The following NDUFAF6 variants were observed in gnomAD, a reference collection of about 807,000 sequenced individuals.
NDUFAF6 encodes the protein NADH:ubiquinone oxidoreductase complex assembly factor 6.
Under a neutral mutation model 40.8 loss-of-function variants are expected in NDUFAF6, and 45 were observed. That is an observed-to-expected ratio of 1.10 (90% CI 0.87 to 1.42). The LOEUF (loss-of-function observed/expected upper bound fraction) is 1.42. NDUFAF6 is among the 40% of genes most tolerant of loss of function. NDUFAF6 has a pLI of 0.00. For missense variants in NDUFAF6, 435 were observed against 418.5 expected, an observed-to-expected ratio of 1.04 and a Z score of -0.34; for synonymous variants, 185 against 155.9, an observed-to-expected ratio of 1.19 and a Z score of -1.39.
At chr8:95,062,379 AAC>A (rs1421197617), downstream of NDUFAF6, among the ~76,000 whole-genome samples, 1 of 152,180 alleles carries the variant, frequency 6.6e-6, no homozygotes, top group Non-Finnish European at 1.5e-5. Flanking sequence ...TCTAGTAAAA[AAC>A]ACACGTTAAT....
intron 1 of NDUFAF6, among the ~76,000 whole-genome samples, chr8:94,964,833 A>G (rs1823880914): frequency 6.6e-6 from 1 of 152,144 alleles, no homozygotes; most frequent in Non-Finnish European, 1.5e-5. Context: ...CAAATATCCA[A>G]ACTATATCAC....
chr8:94,999,425 T>C (rs953903386), intron 2 of NDUFAF6, among the ~76,000 whole-genome samples: 8 of 151,640 alleles, frequency 5.3e-5, no homozygotes, highest in African/African-American at 1.7e-4. Context: ...CCCAGCCTCT[T>C]TTTTTCTTTT....
At chr8:95,005,526 A>AAAATATATATATATATAT (rs1554657790) in intron 2 of NDUFAF6, among the ~76,000 whole-genome samples, 1 of 7,278 alleles carries the variant, frequency 1.4e-4, no homozygotes, top group South Asian at 1.8e-3. Flanking sequence ...GGTCCTTTTA[A>AAAATATATATATATATAT]ATATATATAT....
exon 3 of NDUFAF6, chr8:95,103,363 C>G (rs1330292511): frequency 6.6e-6 from 1 of 152,196 alleles, no homozygotes; most frequent in Non-Finnish European, 1.5e-5. Context: ...CTCGATCAAT[C>G]AATGACTGTT....
At chr8:95,026,144 G>T (rs552318632) in intron 1 of NDUFAF6, among the ~76,000 whole-genome samples, 20 of 151,936 alleles carry the variant, frequency 1.3e-4, no homozygotes, top group Non-Finnish European at 2.8e-4. Context: ...CAAAATGCAT[G>T]CATTTCAGTG....
intron 2 of NDUFAF6, among the ~76,000 whole-genome samples, chr8:94,982,744 C>T (rs1394612283): frequency 2.0e-5 from 3 of 152,234 alleles, no homozygotes; most frequent in Admixed American, 6.5e-5. Context: ...GTTGCTAGAG[C>T]ATGCATGTAA....
At chr8:94,924,659 C>T (rs1819738418) in intron 1 of NDUFAF6, among the ~76,000 whole-genome samples, 1 of 152,180 alleles carries the variant, frequency 6.6e-6, no homozygotes, top group South Asian at 2.1e-4. Flanking sequence ...CTGCTAGATT[C>T]CCTGGACACT....
In NDUFAF6 at chr8:95,025,152, G is replaced by C. The variant is rs754150220; in HGVS notation, c.144G>C (p.Ala48=). The part of the protein sequence containing the change: ...GPEVSGRSVA[A]ASGPGAWGTD... ...AGGTGTCTGGGCGGAGCGTGGCTGC[G>C]GCCAGCGGACCGGGCGCCTGGGGCA... The change falls in exon 1 of 9, where the codon GCG becomes GCC. Residue 48 remains alanine (A), a synonymous_variant. Transcript: ENST00000396124. 28 of 1,483,868 alleles carry C rather than the reference G, an allele frequency of 1.9e-5. No homozygotes were observed. The highest frequency in any genetic ancestry group is 2.4e-5 in the Non-Finnish European group (27 of 1,127,500). The allele number at this position is 1,483,868 out of a possible 1,614,324, so 91.9% of individuals were successfully genotyped here.
At chr8:94,959,530 G>GTT (rs3039193) in intron 1 of NDUFAF6, among the ~76,000 whole-genome samples, 74,202 of 145,990 alleles carry the variant, frequency 0.51, 18,984 homozygotes, top group East Asian at 0.71. Context: ...GTTGCTTTTT[G>GTT]TTTTTTTTGT....
At chr8:94,949,142 C>CGCCT (rs572827485) in intron 2 of NDUFAF6, 1 of 149,524 alleles carries the variant, frequency 6.7e-6, no homozygotes, top group African/African-American at 2.4e-5. Flanking sequence ...CCCGCCCCCC[C>CGCCT]CCGGCACTTA....
intron 1 of NDUFAF6, among the ~76,000 whole-genome samples, chr8:94,920,019 C>G (rs914375211): frequency 6.6e-6 from 1 of 152,030 alleles, no homozygotes; most frequent in African/African-American, 2.4e-5. Flanking sequence ...GCAGGTCACA[C>G]TTCATGTTAA....
rs1198662186 is a variant in NDUFAF6 at position 95,058,700 on chromosome 8, G to T, written c.*763G>T. 6 of 1,014,280 alleles carry T rather than the reference G, an allele frequency of 5.9e-6. No individual in the cohort carries two copies. Among genetic ancestry groups the T allele is most frequent in the Non-Finnish European group, 7.1e-6 (6 of 849,482 alleles). The allele number at this position is 1,014,280 out of a possible 1,614,324, so 62.8% of individuals were successfully genotyped here. A position where few individuals can be genotyped will look rare whatever the true frequency, so the allele number is the denominator to read the frequency against. On this transcript the variant is annotated 3_prime_UTR_variant, in exon 9 of 9. Coordinates refer to ENST00000396124, the MANE Select transcript of NDUFAF6 (RefSeq NM_152416.4). ...TGTATTGAACATCCATTAAAGGGTT[G>T]CTACACTTTATACTGTACATTCTGC...
chr8:94,953,688 A>G (rs1412938240), upstream of NDUFAF6, among the ~76,000 whole-genome samples: 1 of 152,246 alleles, frequency 6.6e-6, no homozygotes, highest in Non-Finnish European at 1.5e-5. Context: ...TTAGGGTGAC[A>G]GCATGAGTGC....
chr8:95,017,264 G>A (rs545594157), intron 2 of NDUFAF6, among the ~76,000 whole-genome samples: 2 of 152,146 alleles, frequency 1.3e-5, no homozygotes, highest in South Asian at 4.2e-4. Flanking sequence ...TTAATGAGCT[G>A]TAGGCACAAA....
chr8:94,916,159 T>C (rs963161210), intron 1 of NDUFAF6, among the ~76,000 whole-genome samples: 3 of 152,058 alleles, frequency 2.0e-5, no homozygotes, highest in African/African-American at 7.2e-5. Context: ...CAAGATAGTG[T>C]AGAAAAGAAA....
intron 7 of NDUFAF6, among the ~76,000 whole-genome samples, chr8:95,050,631 T>TTCA (rs1394894571): frequency 1.3e-5 from 2 of 152,164 alleles, no homozygotes; most frequent in South Asian, 2.1e-4. Context: ...TATGTTAGTT[T>TTCA]TCATCATCAT....
In NDUFAF6 at chr8:94,936,040, G is replaced by A. The variant is rs1820943004; in HGVS notation, c.-935-9443G>A. Among the ~76,000 whole-genome samples the A allele has an allele frequency of 1.3e-5, 2 of 152,190 alleles. 1 individual carries two copies. The highest frequency in any genetic ancestry group is 4.1e-4 in the South Asian group (2 of 4,820). Reference sequence around the variant, plus strand: ...ATCTGTCTGATAGTCTTATGTGGAAGGGAAACTGGCACTTATGGCAAAAGA... The same window carrying A: ...ATCTGTCTGATAGTCTTATGTGGAAAGGAAACTGGCACTTATGGCAAAAGA... On this transcript the variant is annotated intron_variant, in intron 1 of 14. Coordinates refer to the NDUFAF6 transcript ENST00000396113.
intron 2 of NDUFAF6, among the ~76,000 whole-genome samples, chr8:95,095,164 G>T (rs1809414425): frequency 1.3e-5 from 2 of 152,144 alleles, no homozygotes; most frequent in Non-Finnish European, 2.9e-5. Flanking sequence ...GGACTCCATA[G>T]ATTTGGGTTT....
At chr8:94,941,024 C>T in intron 1 of NDUFAF6, 1 of 987,512 alleles carries the variant, frequency 1.0e-6, no homozygotes. Flanking sequence ...CCCAATGGTA[C>T]CGACAGGAGA....
Sources: gnomAD v4.1 joint callset for allele counts (sites outside exome capture counted in the v4.1 genomes callset) on GRCh38, gnomAD v4.1.1 for gene constraint, MANE v1.5 for transcripts, NCBI Gene and HGNC (gene_info 2026-07-23, HGNC 2026-07-21) for gene names.